CLNS1A: variants seen among roughly 807,000 people sequenced by gnomAD.
The protein encoded by CLNS1A is methylosome subunit pICln.
A neutral mutation model predicts 29.4 loss-of-function variants in CLNS1A; 16 were observed. The ratio of observed to expected loss-of-function variants is 0.54; its 90% CI spans 0.37 to 0.83. The LOEUF is 0.83. Ranked by LOEUF, CLNS1A falls within the 40% of genes least tolerant of loss-of-function variation. CLNS1A has a pLI of 0.00. For synonymous variants in CLNS1A, 96 were observed against 104.8 expected (o/e 0.92, Z 0.51); for missense variants, 235 against 287.4 (o/e 0.82, Z 1.32).
At chr11:77,631,966 G>A (rs982517418) in intron 1 of CLNS1A, among the ~76,000 whole-genome samples, 1 of 151,818 alleles carries the variant, frequency 6.6e-6, no homozygotes, top group Non-Finnish European at 1.5e-5. Context: ...TCAAACTCCC[G>A]ACCTCAGGTG....
At chr11:77,636,221 C>T (rs1461941105) in intron 1 of CLNS1A, among the ~76,000 whole-genome samples, 1 of 152,166 alleles carries the variant, frequency 6.6e-6, no homozygotes, top group Non-Finnish European at 1.5e-5. Flanking sequence ...CAGGCCGCCA[C>T]CATGCCTGGC....
chr11:77,633,015 A>G (rs1425905861), intron 1 of CLNS1A, among the ~76,000 whole-genome samples: 1 of 142,898 alleles, frequency 7.0e-6, no homozygotes, highest in Non-Finnish European at 1.5e-5. Context: ...TGAATCCAGG[A>G]GGCGGAGGTT....
intron 3 of CLNS1A, 184 bp from the exon 4 acceptor site, chr11:77,625,254 G>A (rs1471003276): frequency 1.7e-6 from 1 of 574,880 alleles, no homozygotes; most frequent in Non-Finnish European, 3.1e-6. Context: ...CATTATGAGA[G>A]ATCATTGCAA....
chr11:77,626,697 T>G (rs1959023230), intron 2 of CLNS1A, among the ~76,000 whole-genome samples: 1 of 73,488 alleles, frequency 1.4e-5, no homozygotes, highest in Non-Finnish European at 3.1e-5. Flanking sequence ...CTGATGGTCA[T>G]TTTTTTTTTT....
chr11:77,636,078 A>AT (rs537051817), intron 1 of CLNS1A, among the ~76,000 whole-genome samples: 1,557 of 148,450 alleles, frequency 0.01, 13 homozygotes, highest in African/African-American at 0.021. Context: ...TTTTATTTTT[A>AT]TTTTTTTTTT....
Position 77,637,719 on chromosome 11 carries a change from G to C in CLNS1A, c.-5C>G. The C allele has an allele frequency of 1.3e-6, 2 of 1,554,084 alleles. No homozygotes were observed. The highest frequency in any genetic ancestry group is 1.7e-6 in the Non-Finnish European group (2 of 1,148,396). The stretch of plus-strand genomic sequence containing the variant: ...GAAACTTTTGAGGAAGCTCATAGCA[G>C]CAGAGTGCGGCAACACAGGCCCTGA... On this transcript the variant is annotated 5_prime_UTR_variant, in exon 1 of 7. Transcript: ENST00000525428.
chr11:77,622,350 A>C, intron 5 of CLNS1A, 150 bp downstream of exon 5: 1 of 641,036 alleles, frequency 1.6e-6, no homozygotes. Context: ...AAATGACATA[A>C]GCATTCCTAT....
rs915353619 is a variant in CLNS1A at position 77,637,608 on chromosome 11, G to C, written c.107C>G (p.Thr36Ser). ...VLNGKGLGTG[T>S]LYIAESRLSW... The stretch of plus-strand genomic sequence containing the variant: ...ACCCTACCTCTCAGCGATGTAAAGG[G>C]TACCAGTGCCGAGGCCCTTCCCGTT... The change falls in exon 1 of 7, where the codon ACC (threonine) becomes AGC (serine). Residue 36 changes from threonine (T) to serine (S), a missense_variant. Coordinates refer to ENST00000525428, the MANE Select transcript of CLNS1A (RefSeq NM_001293.3). 1 of 1,601,354 alleles carries C rather than the reference G, an allele frequency of 6.2e-7. No individual in the cohort carries two copies. The highest frequency in any genetic ancestry group is 8.5e-7 in the Non-Finnish European group (1 of 1,174,446).
chr11:77,629,056 C>A (rs1959048633), intron 2 of CLNS1A, among the ~76,000 whole-genome samples: 3 of 152,104 alleles, frequency 2.0e-5, no homozygotes, highest in African/African-American at 7.2e-5. Flanking sequence ...TATATCCCCC[C>A]TACAACCACT....
chr11:77,626,336 G>C (rs1959019202), intron 2 of CLNS1A, among the ~76,000 whole-genome samples: 1 of 152,032 alleles, frequency 6.6e-6, no homozygotes, highest in Non-Finnish European at 1.5e-5. Context: ...TCCTGTCTTG[G>C]CCATTCAAAA....
At chr11:77,625,423 T>A in intron 3 of CLNS1A, 1 of 458,310 alleles carries the variant, frequency 2.2e-6, no homozygotes, top group Non-Finnish European at 3.8e-6. Flanking sequence ...TCCTCTGCCA[T>A]CCAGCAGGTG....
At chr11:77,619,516 C>G (rs1290751131) in intron 6 of CLNS1A, 90 bp downstream of exon 6, 2 of 856,926 alleles carry the variant, frequency 2.3e-6, no homozygotes, top group Non-Finnish European at 1.9e-6. Flanking sequence ...AGAGTAAGAC[C>G]CTGTCTCAAG....
chr11:77,626,251 T>A (rs555876627), intron 2 of CLNS1A, among the ~76,000 whole-genome samples: 32 of 152,264 alleles, frequency 2.1e-4, no homozygotes, highest in African/African-American at 7.7e-4. Context: ...CACACCCTGC[T>A]AATTTTTGTT....
intron 6 of CLNS1A, among the ~76,000 whole-genome samples, chr11:77,618,153 C>T (rs967666817): frequency 1.3e-5 from 2 of 152,082 alleles, no homozygotes; most frequent in African/African-American, 4.8e-5. Flanking sequence ...AATAGAGTGG[C>T]TGATGTTCTC....
Position 77,634,385 on chromosome 11 carries a change from T to C in CLNS1A, c.125+3205A>G, listed in dbSNP as rs1022673881. ...GGACTGTATATATATGTACACAGTATGTGTGTGTATTTATACCCTTTTTTT... is the reference window on the plus strand; with the variant it reads ...GGACTGTATATATATGTACACAGTACGTGTGTGTATTTATACCCTTTTTTT... On this transcript the variant is annotated intron_variant, in intron 1 of 6. Transcript: ENST00000525428. 1.0e-3 allele frequency among the ~76,000 whole-genome samples: 159 copies of C among 152,180 alleles called. 1 individual carries two copies. The highest frequency in any genetic ancestry group is 2.9e-5 in the Non-Finnish European group (2 of 68,032).
rs1344532843 is a variant in CLNS1A at position 77,622,509 on chromosome 11, C to G, written c.637G>C (p.Asp213His). 1 of 1,590,962 alleles carries G rather than the reference C, an allele frequency of 6.3e-7. No homozygotes were observed. Among genetic ancestry groups the G allele is most frequent in the East Asian group, 2.2e-5 (1 of 44,742 alleles). Reference sequence around the variant, plus strand: ...GCAAAAGGACACTCACCTTCATAATCTCTTATTGAATCTTCTGTCCTGACC... The same window carrying G: ...GCAAAAGGACACTCACCTTCATAATGTCTTATTGAATCTTCTGTCCTGACC... Reference protein sequence around the residue: ...AGVRTEDSIRDYEDGMEVDTT... With the variant: ...AGVRTEDSIRHYEDGMEVDTT... The change falls in exon 5 of 7, where the codon GAT (aspartate) becomes CAT (histidine). Residue 213 changes from aspartate to histidine, a missense_variant. Asp to His is a moderately conservative substitution (Grantham distance 81, BLOSUM62 -1). Coordinates refer to ENST00000525428, the MANE Select transcript of CLNS1A (RefSeq NM_001293.3).
At position 77,632,837 on chromosome 11, in the gene CLNS1A, G is replaced by A. The variant is rs371861685; in HGVS notation, c.126-2938C>T. Among the ~76,000 whole-genome samples, 841 of 151,956 alleles carry A rather than the reference G, an allele frequency of 5.5e-3. 14 individuals carry two copies. Among genetic ancestry groups the A allele is most frequent in the African/African-American group, 0.019 (793 of 41,470 alleles). On this transcript the variant is annotated intron_variant, in intron 1 of 6. Transcript: ENST00000525428. ...TGGTGGCTCAGGCCTATAATTTTGG[G>A]AGCATTTTGGGAGGCCGAGGTGGAT...
At chr11:77,625,492 C>A in intron 3 of CLNS1A, 2 of 498,186 alleles carry the variant, frequency 4.0e-6, no homozygotes, top group Non-Finnish European at 3.5e-6. Context: ...CAAAATATAC[C>A]CAGATGACAG....
At chr11:77,622,318 A>C (rs1958966657) in intron 5 of CLNS1A, 182 bp downstream of exon 5, 3 of 594,808 alleles carry the variant, frequency 5.0e-6, no homozygotes. Context: ...TTTGGTAATG[A>C]GGAAAAAAAA....
Sources: gnomAD v4.1 joint callset for allele counts (sites outside exome capture counted in the v4.1 genomes callset) on GRCh38, gnomAD v4.1.1 for gene constraint, MANE v1.5 for transcripts, NCBI Gene and HGNC (gene_info 2026-07-23, HGNC 2026-07-21) for gene names.